The following PARN variants were observed in gnomAD, a reference collection of about 807,000 sequenced individuals.
The protein encoded by PARN is poly(A)-specific ribonuclease, also known as poly(A)-specific ribonuclease PARN.
A neutral mutation model predicts 102.8 loss-of-function variants in PARN; 71 were observed. The observed-to-expected ratio is 0.69, with a 90% CI of 0.57 to 0.84. The LOEUF is 0.84. Ranked by LOEUF, PARN falls within the 40% of genes least tolerant of loss-of-function variation. The pLI is 0.00. For synonymous variants in PARN, 261 were observed against 252.9 expected (o/e 1.03, Z -0.30); for missense variants, 782 against 760.9 (o/e 1.03, Z -0.33).
intron 21 of PARN, among the ~76,000 whole-genome samples, chr16:14,503,655 G>A (rs1375021575): frequency 6.6e-6 from 1 of 152,186 alleles, no homozygotes; most frequent in Non-Finnish European, 1.5e-5. Context: ...AAAATGGTCT[G>A]GACCACTGAC....
chr16:14,568,937 G>A (rs1968608236), intron 18 of PARN, among the ~76,000 whole-genome samples: 2 of 151,196 alleles, frequency 1.3e-5, no homozygotes, highest in South Asian at 4.2e-4. Context: ...AAAGTGCGGG[G>A]ACAGTGGCTC....
chr16:14,622,000 C>T (rs971950693), intron 5 of PARN, among the ~76,000 whole-genome samples: 2 of 151,920 alleles, frequency 1.3e-5, no homozygotes, highest in Non-Finnish European at 2.9e-5. Context: ...CGTGACCAGA[C>T]TGGCCAACAT....
chr16:14,612,035 C>A (rs1388566155), intron 6 of PARN, among the ~76,000 whole-genome samples: 1 of 152,128 alleles, frequency 6.6e-6, no homozygotes, highest in Non-Finnish European at 1.5e-5. Context: ...TTGTTTGTAA[C>A]CCTGGTGTAG....
At chr16:14,449,200 C>G (rs1961338114) in intron 22 of PARN, among the ~76,000 whole-genome samples, 1 of 152,064 alleles carries the variant, frequency 6.6e-6, no homozygotes, top group African/African-American at 2.4e-5. Context: ...CTGTGAAATA[C>G]AAAGTCTAGA....
intron 21 of PARN, among the ~76,000 whole-genome samples, chr16:14,493,539 C>G (rs1019566628): frequency 5.3e-5 from 8 of 152,180 alleles, no homozygotes; most frequent in African/African-American, 1.9e-4. Flanking sequence ...AACACTGGCA[C>G]TGGGTACTGG....
chr16:14,563,390 G>T (rs540320193), intron 18 of PARN, among the ~76,000 whole-genome samples: 9 of 152,332 alleles, frequency 5.9e-5, no homozygotes, highest in African/African-American at 1.7e-4. Flanking sequence ...AAGGTTGTGA[G>T]TGTACCATGA....
chr16:14,562,138 AAAAAG>A lies in PARN; in HGVS notation c.1263-6434_1263-6430del, dbSNP rs1438700939. Reference sequence around the variant, plus strand: ...GGAACAGAGTGAGACTCCATCGCAAAAAAAGAAAAGAAAAGTACAAAACTTTGACA... The same window carrying A: ...GGAACAGAGTGAGACTCCATCGCAAAAAAAGAAAAGTACAAAACTTTGACA... On this transcript the variant is annotated intron_variant, in intron 18 of 23. Transcript: ENST00000437198. 9.8e-5 allele frequency among the ~76,000 whole-genome samples: 15 copies of A among 152,312 alleles called. No individual in the cohort carries two copies. The Middle Eastern group carries it at 0.01, about 104-fold the overall frequency.
At chr16:14,599,382 C>T (rs1970740661) in intron 12 of PARN, among the ~76,000 whole-genome samples, 1 of 152,104 alleles carries the variant, frequency 6.6e-6, no homozygotes, top group South Asian at 2.1e-4. Flanking sequence ...AGGAAAAACA[C>T]CCATCATATC....
At chr16:14,450,425 G>T (rs1961398976) in intron 22 of PARN, among the ~76,000 whole-genome samples, 1 of 152,132 alleles carries the variant, frequency 6.6e-6, no homozygotes. Flanking sequence ...GGAAGATAAG[G>T]AAGAACCCTC....
chr16:14,590,582 C>T (rs570975378), intron 13 of PARN, among the ~76,000 whole-genome samples: 1 of 142,968 alleles, frequency 7.0e-6, no homozygotes, highest in African/African-American at 2.6e-5. Context: ...GTGCACTGAG[C>T]AGAGATCACA....
At chr16:14,588,011 G>A (rs1969963304) in intron 13 of PARN, among the ~76,000 whole-genome samples, 1 of 152,142 alleles carries the variant, frequency 6.6e-6, no homozygotes. Flanking sequence ...CACCTAGAAG[G>A]GGGTTATGCT....
Position 14,482,840 on chromosome 16 carries a change from G to GAAAAA in PARN, c.1481-18_1481-14dup. The GAAAAA allele has an allele frequency of 6.4e-7, 1 of 1,554,392 alleles. No individual in the cohort carries two copies. Among genetic ancestry groups the GAAAAA allele is most frequent in the Non-Finnish European group, 8.7e-7 (1 of 1,150,702 alleles). On this transcript the variant is annotated splice_polypyrimidine_tract_variant and intron_variant, in intron 21 of 23. Transcript: ENST00000437198. ...CTGGTATTGACAGCTACAAGGAAAAGAAAAAAAAATAAAATGCTTACAAAA... is the reference window on the plus strand; with the variant it reads ...CTGGTATTGACAGCTACAAGGAAAAGAAAAAAAAAAAAAATAAAATGCTTACAAAA...
chr16:14,554,357 C>G (rs1967523963), intron 19 of PARN, among the ~76,000 whole-genome samples: 1 of 152,102 alleles, frequency 6.6e-6, no homozygotes, highest in African/African-American at 2.4e-5. Context: ...TTACAGAACC[C>G]ACAACAACTT....
intron 21 of PARN, among the ~76,000 whole-genome samples, chr16:14,528,442 C>A (rs987797834): frequency 5.3e-5 from 8 of 152,302 alleles, no homozygotes; most frequent in African/African-American, 1.9e-4. Context: ...TGAAGACCTG[C>A]AAGTCACTTA....
At chr16:14,544,087 G>A (rs1390346600) in intron 21 of PARN, among the ~76,000 whole-genome samples, 1 of 152,198 alleles carries the variant, frequency 6.6e-6, no homozygotes, top group East Asian at 1.9e-4. Flanking sequence ...AGCTACTTGG[G>A]AGGCAGAGGC....
chr16:14,577,025 T>A (rs912734035), intron 18 of PARN, among the ~76,000 whole-genome samples: 2 of 152,228 alleles, frequency 1.3e-5, no homozygotes, highest in Admixed American at 1.3e-4. Context: ...AATGCAGACG[T>A]AAGTGAAGTT....
intron 22 of PARN, among the ~76,000 whole-genome samples, chr16:14,477,064 T>C (rs1269454700): frequency 6.6e-6 from 1 of 152,172 alleles, no homozygotes; most frequent in African/African-American, 2.4e-5. Context: ...TATATGCTAT[T>C]TATAAGAAAC....
chr16:14,543,273 T>C (rs1010661377), intron 21 of PARN, among the ~76,000 whole-genome samples: 1 of 152,076 alleles, frequency 6.6e-6, no homozygotes, highest in African/African-American at 2.4e-5. Context: ...AAGAAAAAAT[T>C]AGAGAATCAG....
chr16:14,565,559 T>A (rs1968377381), intron 18 of PARN, among the ~76,000 whole-genome samples: 1 of 152,184 alleles, frequency 6.6e-6, no homozygotes, highest in African/African-American at 2.4e-5. Flanking sequence ...AACAACATAC[T>A]GTAAAGTGTC....
Sources: gnomAD v4.1 joint callset for allele counts (sites outside exome capture counted in the v4.1 genomes callset) on GRCh38, gnomAD v4.1.1 for gene constraint, MANE v1.5 for transcripts, NCBI Gene and HGNC (gene_info 2026-07-23, HGNC 2026-07-21) for gene names.